PRKCA: variants seen among roughly 807,000 people sequenced by gnomAD.
PRKCA encodes the protein protein kinase C alpha type.
PRKCA carries 27 observed loss-of-function variants against 87.0 expected under a neutral mutation model. The ratio of observed to expected loss-of-function variants is 0.31; its 90% confidence interval spans 0.23 to 0.43. The LOEUF is 0.43. Among genes scored for constraint, PRKCA ranks in the 20% least tolerant of loss-of-function variants. PRKCA has a pLI of 1.00. For synonymous variants in PRKCA, 329 were observed against 311.1 expected, an observed-to-expected ratio of 1.06 and a Z score of -0.61; for missense variants, 518 against 852.3, an observed-to-expected ratio of 0.61 and a Z score of 4.88.
intron 13 of PRKCA, among the ~76,000 whole-genome samples, chr17:66,771,456 T>G (rs1242797239): frequency 2.0e-5 from 3 of 152,198 alleles, no homozygotes; most frequent in Non-Finnish European, 4.4e-5. Flanking sequence ...GACCACAAAA[T>G]AGCAGGCTCA....
At chr17:66,575,844 C>CG in intron 3 of PRKCA, among the ~76,000 whole-genome samples, 1 of 151,498 alleles carries the variant, frequency 6.6e-6, no homozygotes, top group Non-Finnish European at 1.5e-5. Flanking sequence ...GGACCGGGCA[C>CG]GTGGCTCATG....
chr17:66,385,327 G>C (rs115721375), intron 2 of PRKCA, among the ~76,000 whole-genome samples: 1 of 152,172 alleles, frequency 6.6e-6, no homozygotes, highest in Non-Finnish European at 1.5e-5. Context: ...GAAGGAATTC[G>C]AAGACAGTTT....
intron 16 of PRKCA, among the ~76,000 whole-genome samples, chr17:66,802,789 TTC>T (rs1341137894): frequency 6.6e-6 from 1 of 152,240 alleles, no homozygotes; most frequent in African/African-American, 2.4e-5. Context: ...TCCAGAGCTA[TTC>T]TCTGTTAGAG....
intron 3 of PRKCA, among the ~76,000 whole-genome samples, chr17:66,564,619 G>A (rs1450619559): frequency 6.6e-6 from 1 of 152,204 alleles, no homozygotes; most frequent in Non-Finnish European, 1.5e-5. Context: ...GTGGGTTTTA[G>A]TACATTAGAT....
At chr17:66,370,365 G>T (rs950319446) in intron 2 of PRKCA, among the ~76,000 whole-genome samples, 3 of 150,672 alleles carry the variant, frequency 2.0e-5, no homozygotes, top group African/African-American at 7.3e-5. Flanking sequence ...TGGAGTAGCT[G>T]GGACTACGGG....
chr17:66,330,238 T>G (rs1055003161), intron 2 of PRKCA, among the ~76,000 whole-genome samples: 1 of 152,040 alleles, frequency 6.6e-6, no homozygotes, highest in African/African-American at 2.4e-5. Context: ...CCCAACTAGC[T>G]GGGATTACAG....
chr17:66,765,418 C>CTATATATATATATATATA (rs58356468), intron 13 of PRKCA, among the ~76,000 whole-genome samples: 3 of 49,332 alleles, frequency 6.1e-5, no homozygotes, highest in African/African-American at 1.5e-4. Context: ...AAGACTTTGT[C>CTATATATATATATATATA]TATATATATA....
chr17:66,406,585 G>GTTTTTTT lies in PRKCA; in HGVS notation c.206-89598_206-89592dup, dbSNP rs71160568. 6.0e-3 allele frequency among the ~76,000 whole-genome samples: 420 copies of GTTTTTTT among 70,136 alleles called. 37 individuals are homozygous for GTTTTTTT. The highest frequency in any genetic ancestry group is 0.016 in the East Asian group (32 of 2,012). The allele number at this position is 70,136 out of a possible 152,430, so 46.0% of individuals were successfully genotyped here. A position where few individuals can be genotyped will look rare whatever the true frequency, so the allele number is the denominator to read the frequency against. ...TCATGTAGCATTGTAGCTTTTCCAG[G>GTTTTTTT]TTTTTTTTTTTTTTTTTTTTTTTTA... On this transcript the variant is annotated intron_variant, in intron 2 of 16. Transcript: ENST00000413366.
At chr17:66,653,623 C>T (rs1253274885) in intron 5 of PRKCA, among the ~76,000 whole-genome samples, 7 of 152,016 alleles carry the variant, frequency 4.6e-5, no homozygotes, top group African/African-American at 1.5e-4. Flanking sequence ...ACAGTATTGG[C>T]AAAGCTGTTG....
At chr17:66,587,889 G>T (rs1469134961) in intron 3 of PRKCA, among the ~76,000 whole-genome samples, 1 of 94,230 alleles carries the variant, frequency 1.1e-5, no homozygotes, top group East Asian at 2.5e-4. Context: ...GTGTGTGTGT[G>T]TGTGTGTATA....
chr17:66,470,326 A>G (rs916444760), intron 2 of PRKCA, among the ~76,000 whole-genome samples: 1 of 110,546 alleles, frequency 9.0e-6, no homozygotes, highest in Non-Finnish European at 1.7e-5. Context: ...ACCTGGTTCA[A>G]GCGATTCTCC....
chr17:66,636,825 G>A (rs967154906), intron 3 of PRKCA, among the ~76,000 whole-genome samples: 2 of 152,066 alleles, frequency 1.3e-5, no homozygotes, highest in East Asian at 1.9e-4. Context: ...AGCTTGTGCC[G>A]GGACTGGGGT....
chr17:66,688,450 T>C lies in PRKCA; in HGVS notation c.821+14T>C. 2 of 1,614,050 alleles carry C rather than the reference T, an allele frequency of 1.2e-6. No homozygotes were observed. The highest frequency in any genetic ancestry group is 2.2e-5 in the South Asian group (2 of 91,060). On this transcript the variant is annotated intron_variant, in intron 7 of 16. Transcript: ENST00000413366. ...GGCCAGTGGATGGTATGGAAGCCGC[T>C]TAGGTTGAGTATGTCTCAAAGCATC...
At chr17:66,727,833 C>T (rs946893738) in intron 8 of PRKCA, among the ~76,000 whole-genome samples, 13 of 152,110 alleles carry the variant, frequency 8.5e-5, no homozygotes, top group East Asian at 5.8e-4. Flanking sequence ...GGTCAAGCCT[C>T]GCGCTGCATC....
chr17:66,321,842 A>C (rs933183025), intron 2 of PRKCA, among the ~76,000 whole-genome samples: 1 of 152,018 alleles, frequency 6.6e-6, no homozygotes. Context: ...AACTTGTCTT[A>C]AAAAAATCTT....
chr17:66,635,755 T>C (rs918238744), intron 3 of PRKCA, among the ~76,000 whole-genome samples: 1 of 152,228 alleles, frequency 6.6e-6, no homozygotes, highest in African/African-American at 2.4e-5. Context: ...TGCTCTTGCA[T>C]TGGAATTATG....
chr17:66,368,384 ATATTTTT>A (rs1908883888), intron 2 of PRKCA, among the ~76,000 whole-genome samples: 2 of 27,010 alleles, frequency 7.4e-5, no homozygotes, highest in African/African-American at 1.1e-4. Flanking sequence ...ATATATATAT[ATATTTTT>A]TTTTTTTTTT....
intron 3 of PRKCA, among the ~76,000 whole-genome samples, chr17:66,530,693 T>C (rs1313246745): frequency 2.0e-5 from 3 of 152,156 alleles, no homozygotes; most frequent in Non-Finnish European, 4.4e-5. Context: ...GGTGGCTCAC[T>C]GACCTACTTG....
At chr17:66,778,366 A>C (rs931752664) in intron 14 of PRKCA, 2 of 394,220 alleles carry the variant, frequency 5.1e-6, no homozygotes, top group African/African-American at 4.4e-5. Context: ...GCAAAAAAAA[A>C]TTAGCCGAGT....
Sources: gnomAD v4.1 joint callset for allele counts (sites outside exome capture counted in the v4.1 genomes callset) on GRCh38, gnomAD v4.1.1 for gene constraint, MANE v1.5 for transcripts, NCBI Gene and HGNC (gene_info 2026-07-23, HGNC 2026-07-21) for gene names.